Variants in ARIH1 observed in about 807,000 individuals in gnomAD.
ARIH1 encodes the protein ariadne RBR E3 ubiquitin protein ligase 1, also known as E3 ubiquitin-protein ligase ARIH1.
In ARIH1, 8 loss-of-function variants were observed where a neutral mutation model predicts 85.0. That is an observed-to-expected ratio of 0.09 (90% CI 0.06 to 0.17). The LOEUF is 0.17. Among genes scored for constraint, ARIH1 ranks in the 10% least tolerant of loss-of-function variants. The pLI, the probability that ARIH1 is intolerant of heterozygous loss-of-function variation, is 1.00. For missense variants in ARIH1, 311 were observed against 718.1 expected (o/e 0.43, Z 6.48); for synonymous variants, 238 against 253.6 (o/e 0.94, Z 0.59).
chr15:72,514,164 A>G (rs2140408891), intron 1 of ARIH1, among the ~76,000 whole-genome samples: 1 of 151,858 alleles, frequency 6.6e-6, no homozygotes, highest in Admixed American at 6.6e-5. Flanking sequence ...TTGTCTGATA[A>G]TGTGTTTGTC....
At chr15:72,578,770 A>T (rs566766855) in intron 11 of ARIH1, among the ~76,000 whole-genome samples, 1 of 151,638 alleles carries the variant, frequency 6.6e-6, no homozygotes, top group Admixed American at 6.6e-5. Flanking sequence ...TCTATTGTTC[A>T]AATATCCCCA....
intron 2 of ARIH1, among the ~76,000 whole-genome samples, chr15:72,519,545 G>A (rs1056094022): frequency 3.5e-5 from 5 of 140,944 alleles, no homozygotes; most frequent in Non-Finnish European, 6.0e-5. Context: ...GTGCAATGGC[G>A]TGACCTCGGC....
chr15:72,532,094 A>T (rs2140417904), intron 2 of ARIH1, among the ~76,000 whole-genome samples: 1 of 152,292 alleles, frequency 6.6e-6, no homozygotes, highest in South Asian at 2.1e-4. Flanking sequence ...GGGAAAATAC[A>T]AGGAAAGAAA....
At chr15:72,482,651 A>G (rs928790261) in intron 1 of ARIH1, among the ~76,000 whole-genome samples, 1 of 152,150 alleles carries the variant, frequency 6.6e-6, no homozygotes, top group African/African-American at 2.4e-5. Flanking sequence ...ACCTGTGGTA[A>G]CTATGTAGAT....
intron 2 of ARIH1, among the ~76,000 whole-genome samples, chr15:72,518,413 G>T (rs915222090): frequency 3.9e-5 from 6 of 152,090 alleles, no homozygotes; most frequent in Non-Finnish European, 8.8e-5. Context: ...TGGGTACCAA[G>T]AACTGAAAGC....
chr15:72,509,008 T>G (rs1196086337), intron 1 of ARIH1, among the ~76,000 whole-genome samples: 1 of 151,402 alleles, frequency 6.6e-6, no homozygotes, highest in Non-Finnish European at 1.5e-5. Context: ...TTTTTTTTTT[T>G]TGAGACTGAG....
At chr15:72,533,611 G>A (rs1307214381) in intron 2 of ARIH1, among the ~76,000 whole-genome samples, 1 of 152,078 alleles carries the variant, frequency 6.6e-6, no homozygotes, top group African/African-American at 2.4e-5. Context: ...AAAGAAATAC[G>A]TGCACATCTA....
In ARIH1 at chr15:72,596,195, C is replaced by T. The variant is rs1031285465; in HGVS notation, c.*12903C>T. ...TTTTGTCTATAAGAGAATGTCCTTA[C>T]TTTTATTTTTGAGGGGTATTTTAGT... On this transcript the variant is annotated 3_prime_UTR_variant, in exon 14 of 14. Coordinates refer to ENST00000379887, the MANE Select transcript of ARIH1 (RefSeq NM_005744.5). 1 of 152,058 alleles carries T rather than the reference C, an allele frequency of 6.6e-6. No individual in the cohort carries two copies. The highest frequency in any genetic ancestry group is 1.9e-4 in the East Asian group (1 of 5,194). The allele number at this position is 152,058 out of a possible 1,614,324, so 9.4% of individuals were successfully genotyped here. A position where few individuals can be genotyped will look rare whatever the true frequency, so the allele number is the denominator to read the frequency against.
intron 6 of ARIH1, among the ~76,000 whole-genome samples, chr15:72,563,126 C>G (rs141479352): frequency 6.6e-6 from 1 of 152,360 alleles, no homozygotes; most frequent in Non-Finnish European, 1.5e-5. Context: ...TCACAGCTCT[C>G]TGCAGCCTCT....
chr15:72,489,363 AAAAT>A (rs775003736), intron 1 of ARIH1, among the ~76,000 whole-genome samples: 36 of 152,146 alleles, frequency 2.4e-4, no homozygotes, highest in Middle Eastern at 3.4e-3. Flanking sequence ...TTTGCCTCTT[AAAAT>A]GTTCTGGCAT....
At chr15:72,577,825 C>A (rs1001860944) in intron 11 of ARIH1, among the ~76,000 whole-genome samples, 83 of 152,244 alleles carry the variant, frequency 5.5e-4, no homozygotes, top group African/African-American at 1.9e-3. Context: ...GAGATGCAGG[C>A]ACACTTGGTG....
intron 2 of ARIH1, among the ~76,000 whole-genome samples, chr15:72,528,434 A>G (rs767807335): frequency 6.6e-6 from 1 of 152,214 alleles, no homozygotes; most frequent in Non-Finnish European, 1.5e-5. Context: ...TTGTAGCCAC[A>G]TTATTAATAA....
intron 1 of ARIH1, among the ~76,000 whole-genome samples, chr15:72,510,736 C>CAAAAAAAAAAAAA (rs57834481): frequency 1.9e-4 from 5 of 26,726 alleles, no homozygotes; most frequent in African/African-American, 3.5e-4. Context: ...GACTCTGACT[C>CAAAAAAAAAAAAA]AAAAAAAAAA....
At chr15:72,483,908 ACGCC>A (rs2063826445) in intron 1 of ARIH1, among the ~76,000 whole-genome samples, 1 of 151,372 alleles carries the variant, frequency 6.6e-6, no homozygotes, top group East Asian at 1.9e-4. Flanking sequence ...ATGGTGGCTC[ACGCC>A]TGTAATCCCA....
At chr15:72,549,092 T>C (rs1446687230) in intron 3 of ARIH1, among the ~76,000 whole-genome samples, 5 of 151,180 alleles carry the variant, frequency 3.3e-5, no homozygotes, top group African/African-American at 7.3e-5. Context: ...CTCTCTCTTT[T>C]TTTTTTTTTT....
chr15:72,556,124 G>T (rs1045735969), intron 5 of ARIH1, among the ~76,000 whole-genome samples: 2 of 152,210 alleles, frequency 1.3e-5, no homozygotes, highest in Admixed American at 1.3e-4. Context: ...GCTAGATTTT[G>T]ATAAACCTTG....
At chr15:72,547,550 G>T (rs949463469) in intron 3 of ARIH1, among the ~76,000 whole-genome samples, 38 of 152,058 alleles carry the variant, frequency 2.5e-4, no homozygotes, top group African/African-American at 8.2e-4. Flanking sequence ...TTTTCTTTCT[G>T]ATGAGTTGAA....
intron 8 of ARIH1, 89 bp downstream of exon 8, chr15:72,566,694 A>G (rs1050715308): frequency 5.2e-6 from 6 of 1,150,046 alleles, no homozygotes; most frequent in African/African-American, 3.2e-5. Flanking sequence ...TTTGTTATCT[A>G]TCTATTGATA....
chr15:72,496,083 AT>A (rs945263711), intron 1 of ARIH1, among the ~76,000 whole-genome samples: 8 of 151,340 alleles, frequency 5.3e-5, no homozygotes, highest in African/African-American at 1.9e-4. Flanking sequence ...ATTAAAAAAA[AT>A]TTTTTTTTGG....
Sources: allele counts gnomAD v4.1 joint callset (sites outside exome capture counted in the v4.1 genomes callset), GRCh38; gene constraint gnomAD v4.1.1; transcripts MANE v1.5; gene names NCBI Gene and HGNC (gene_info 2026-07-23, HGNC 2026-07-21).